Variants in CHRM3 observed in about 807,000 individuals in gnomAD.
CHRM3 encodes the protein cholinergic receptor muscarinic 3, also known as muscarinic acetylcholine receptor M3.
Under a neutral mutation model 41.8 loss-of-function variants are expected in CHRM3, and 11 were observed. That is an observed-to-expected ratio of 0.26 (90% CI 0.17 to 0.44). The LOEUF (loss-of-function observed/expected upper bound fraction) is 0.44. Ranked by LOEUF, CHRM3 falls within the 20% of genes least tolerant of loss-of-function variation. The pLI, the probability that CHRM3 is intolerant of heterozygous loss-of-function variation, is 1.00. For synonymous variants in CHRM3, 297 were observed against 301.4 expected, an observed-to-expected ratio of 0.99 and a Z score of 0.15; for missense variants, 571 against 745.4, an observed-to-expected ratio of 0.77 and a Z score of 2.72.
chr1:239,783,798 A>G (rs73127356), intron 5 of CHRM3, among the ~76,000 whole-genome samples: 7,270 of 152,184 alleles, frequency 0.048, 487 homozygotes, highest in African/African-American at 0.15. Context: ...GGTACAAATA[A>G]TCCTGTCACC....
At chr1:239,667,027 C>G (rs760414208) in intron 4 of CHRM3, among the ~76,000 whole-genome samples, 9 of 152,140 alleles carry the variant, frequency 5.9e-5, no homozygotes, top group Non-Finnish European at 1.3e-4. Context: ...GCGTGACACT[C>G]TTTTCTTCTT....
intron 5 of CHRM3, among the ~76,000 whole-genome samples, chr1:239,738,629 T>C (rs998534988): frequency 6.6e-6 from 1 of 152,070 alleles, no homozygotes; most frequent in African/African-American, 2.4e-5. Context: ...AATAAATGAT[T>C]GAACATGAGG....
chr1:239,466,944 T>A (rs537950487), intron 1 of CHRM3, among the ~76,000 whole-genome samples: 1 of 152,290 alleles, frequency 6.6e-6, no homozygotes, highest in African/African-American at 2.4e-5. Flanking sequence ...AAGTTCAGGT[T>A]TTTGGACTCC....
At chr1:239,539,500 T>C (rs866974149) in intron 2 of CHRM3, among the ~76,000 whole-genome samples, 1 of 117,720 alleles carries the variant, frequency 8.5e-6, no homozygotes, top group Non-Finnish European at 2.0e-5. Context: ...ATTGCTATTA[T>C]GGTTCTGCTA....
chr1:239,903,273 G>A (rs1288148363), intron 6 of CHRM3, among the ~76,000 whole-genome samples: 1 of 152,158 alleles, frequency 6.6e-6, no homozygotes, highest in East Asian at 1.9e-4. Flanking sequence ...CAACAATATA[G>A]GTCAACTGAG....
At chr1:239,816,515 A>G (rs375613664) in intron 5 of CHRM3, among the ~76,000 whole-genome samples, 1 of 152,208 alleles carries the variant, frequency 6.6e-6, no homozygotes, top group East Asian at 1.9e-4. Flanking sequence ...GAGGGAATCA[A>G]TCCCAGACCT....
At chr1:239,573,545 G>A (rs191613061) in intron 3 of CHRM3, among the ~76,000 whole-genome samples, 1 of 152,204 alleles carries the variant, frequency 6.6e-6, no homozygotes, top group East Asian at 1.9e-4. Flanking sequence ...TATTTAGTGT[G>A]CATAGCCTAT....
In CHRM3 at chr1:239,745,439, C is replaced by CA. The variant is rs113616910; in HGVS notation, c.-147+67163dup. On this transcript the variant is annotated intron_variant, in intron 5 of 6. Transcript: ENST00000676153. The stretch of plus-strand genomic sequence containing the variant: ...AAAGGTTGTATGCACCTTTTCCTGT[C>CA]AAAAAAAAAAAATTTCCAAAGGGAC... Among the ~76,000 whole-genome samples, 710 of 143,452 alleles carry CA rather than the reference C, an allele frequency of 4.9e-3. 8 individuals are homozygous for CA. The highest frequency in any genetic ancestry group is 0.016 in the African/African-American group (634 of 39,306). 94.1% of individuals were successfully genotyped at this position (143,452 alleles called of 152,430 possible). A position where few individuals can be genotyped will look rare whatever the true frequency, so the allele number is the denominator to read the frequency against.
At chr1:239,471,020 A>AGT (rs1666080607) in intron 1 of CHRM3, among the ~76,000 whole-genome samples, 1 of 152,318 alleles carries the variant, frequency 6.6e-6, no homozygotes, top group South Asian at 2.1e-4. Context: ...AAAGGGGCTG[A>AGT]GTTTCCAGCC....
intron 4 of CHRM3, among the ~76,000 whole-genome samples, chr1:239,646,563 A>C (rs2148948546): frequency 6.6e-6 from 1 of 152,288 alleles, no homozygotes; most frequent in East Asian, 1.9e-4. Flanking sequence ...GGACATAGAG[A>C]TACCCTTCTA....
chr1:239,400,697 T>G (rs1659892837), intron 1 of CHRM3, among the ~76,000 whole-genome samples: 1 of 152,220 alleles, frequency 6.6e-6, no homozygotes, highest in Non-Finnish European at 1.5e-5. Context: ...AGTGCGTTTG[T>G]TGAAGAGTAT....
intron 6 of CHRM3, among the ~76,000 whole-genome samples, chr1:239,890,417 G>GTCCAT (rs1163077575): frequency 1.3e-5 from 2 of 152,000 alleles, no homozygotes; most frequent in East Asian, 3.9e-4. Context: ...CCATTTCCTA[G>GTCCAT]TACTGCTACT....
chr1:239,461,531 C>T (rs1355489921), intron 1 of CHRM3, among the ~76,000 whole-genome samples: 1 of 151,984 alleles, frequency 6.6e-6, no homozygotes, highest in Admixed American at 6.6e-5. Context: ...TATCTTCCTT[C>T]TGTTATGTGT....
intron 6 of CHRM3, among the ~76,000 whole-genome samples, chr1:239,883,157 A>G (rs73131067): frequency 0.016 from 2,449 of 152,274 alleles, 77 homozygotes; most frequent in African/African-American, 0.056. Flanking sequence ...AATGACCCTG[A>G]CCCTTGACTC....
At chr1:239,573,764 G>T (rs747197100) in intron 3 of CHRM3, among the ~76,000 whole-genome samples, 1 of 152,016 alleles carries the variant, frequency 6.6e-6, no homozygotes, top group African/African-American at 2.4e-5. Context: ...CAAGCATTTT[G>T]TGTGTATATA....
intron 3 of CHRM3, among the ~76,000 whole-genome samples, chr1:239,576,090 T>A (rs1424002685): frequency 1.3e-5 from 2 of 152,130 alleles, no homozygotes; most frequent in Non-Finnish European, 2.9e-5. Flanking sequence ...GCAGCTTGCT[T>A]ATTTCACATC....
intron 1 of CHRM3, among the ~76,000 whole-genome samples, chr1:239,400,958 T>C (rs1414891968): frequency 6.6e-6 from 1 of 152,162 alleles, no homozygotes; most frequent in Non-Finnish European, 1.5e-5. Flanking sequence ...AGAAGCTCAG[T>C]GAATCCAGGT....
At chr1:239,568,559 A>C (rs1377443631) in intron 3 of CHRM3, among the ~76,000 whole-genome samples, 1 of 152,116 alleles carries the variant, frequency 6.6e-6, no homozygotes, top group East Asian at 1.9e-4. Flanking sequence ...AAACAGACTG[A>C]TACACCCAGC....
At chr1:239,530,251 A>G (rs1005530665) in intron 2 of CHRM3, among the ~76,000 whole-genome samples, 9 of 152,098 alleles carry the variant, frequency 5.9e-5, no homozygotes, top group Admixed American at 5.9e-4. Context: ...TCAAATATAG[A>G]TCAAATTAAT....
Sources: allele counts gnomAD v4.1 joint callset (sites outside exome capture counted in the v4.1 genomes callset), GRCh38; gene constraint gnomAD v4.1.1; transcripts MANE v1.5; gene names NCBI Gene and HGNC (gene_info 2026-07-23, HGNC 2026-07-21).